Variants in TTC28 observed in about 807,000 individuals in gnomAD.
The protein encoded by TTC28 is tetratricopeptide repeat protein 28.
Under a neutral mutation model 198.0 loss-of-function variants are expected in TTC28, and 61 were observed. The ratio of observed to expected loss-of-function variants is 0.31; its 90% CI spans 0.25 to 0.38. The LOEUF (loss-of-function observed/expected upper bound fraction) is 0.38. TTC28 is among the 10% of genes least tolerant of loss of function. The pLI, the probability that TTC28 is intolerant of heterozygous loss-of-function variation, is 1.00. For missense variants in TTC28, 2,678 were observed against 3,164.0 expected (o/e 0.85, Z 3.69); for synonymous variants, 1,171 against 1,297.8 (o/e 0.90, Z 2.10).
At chr22:28,054,977 AGT>A (rs1940225644) in intron 12 of TTC28, among the ~76,000 whole-genome samples, 1 of 152,198 alleles carries the variant, frequency 6.6e-6, no homozygotes, top group Non-Finnish European at 1.5e-5. Context: ...CTTTGAGTCC[AGT>A]GTGTTTCTGG....
chr22:28,051,906 C>A (rs1163318024), intron 12 of TTC28, among the ~76,000 whole-genome samples: 1 of 152,100 alleles, frequency 6.6e-6, no homozygotes, highest in African/African-American at 2.4e-5. Flanking sequence ...GTGGGCACTT[C>A]TGATTTTGCA....
At chr22:28,545,474 G>A (rs1424474725) in intron 2 of TTC28, among the ~76,000 whole-genome samples, 1 of 152,134 alleles carries the variant, frequency 6.6e-6, no homozygotes, top group Non-Finnish European at 1.5e-5. Flanking sequence ...AGCTACCTGT[G>A]AGGCTGAGGC....
In TTC28 at chr22:28,001,672, G is replaced by C. The variant is rs1027259667; in HGVS notation, c.4219-119C>G. 13 of 1,232,890 alleles carry C rather than the reference G, an allele frequency of 1.1e-5. No individual in the cohort carries two copies. In the African/African-American group the frequency reaches 1.8e-4, roughly 17 times the overall value. The allele number at this position is 1,232,890 out of a possible 1,614,324, so 76.4% of individuals were successfully genotyped here. On this transcript the variant is annotated intron_variant, in intron 14 of 22. Coordinates refer to ENST00000397906, the MANE Select transcript of TTC28 (RefSeq NM_001145418.2). ...AAGCACGAGCAGGTGAGGCCTGTGGGGGTGTGGGGCGCCATGGGGCATGGG... is the reference window on the plus strand; with the variant it reads ...AAGCACGAGCAGGTGAGGCCTGTGGCGGTGTGGGGCGCCATGGGGCATGGG...
At chr22:28,075,905 G>T (rs1392126619) in intron 12 of TTC28, among the ~76,000 whole-genome samples, 1 of 152,242 alleles carries the variant, frequency 6.6e-6, no homozygotes, top group South Asian at 2.1e-4. Context: ...CACGTTTGTT[G>T]CATGCTCCAC....
At chr22:28,093,759 T>C (rs1941887122) in intron 12 of TTC28, among the ~76,000 whole-genome samples, 1 of 152,146 alleles carries the variant, frequency 6.6e-6, no homozygotes, top group African/African-American at 2.4e-5. Context: ...CAAAAAATAA[T>C]CTCAGTTTTA....
chr22:28,553,206 C>G (rs1280265363), intron 2 of TTC28, among the ~76,000 whole-genome samples: 1 of 151,568 alleles, frequency 6.6e-6, no homozygotes, highest in African/African-American at 2.4e-5. Context: ...GCCCGGCCGC[C>G]ACCCCGTCTG....
intron 1 of TTC28, among the ~76,000 whole-genome samples, chr22:28,676,117 T>G (rs968628822): frequency 6.6e-6 from 1 of 152,054 alleles, no homozygotes; most frequent in Non-Finnish European, 1.5e-5. Context: ...AAAACTCACG[T>G]GCCTATCAAC....
At chr22:28,090,581 G>T (rs947631259) in intron 12 of TTC28, among the ~76,000 whole-genome samples, 2 of 151,956 alleles carry the variant, frequency 1.3e-5, no homozygotes, top group Non-Finnish European at 2.9e-5. Context: ...GAGACCAAAG[G>T]GCATAAACAT....
intron 5 of TTC28, among the ~76,000 whole-genome samples, chr22:28,205,577 G>A (rs972392663): frequency 6.6e-6 from 1 of 152,112 alleles, no homozygotes; most frequent in African/African-American, 2.4e-5. Context: ...ACTGGTGAAT[G>A]ATTGACCTAT....
chr22:28,492,823 T>C (rs2048397386), intron 2 of TTC28, among the ~76,000 whole-genome samples: 1 of 152,062 alleles, frequency 6.6e-6, no homozygotes. Flanking sequence ...TGAACAAAAT[T>C]CCTCTAATGA....
Position 28,098,917 on chromosome 22 carries a change from A to C in TTC28, c.3545T>G (p.Leu1182Arg). ...GGAGTAACCCCAGCTGTTCTCACCT[A>C]GGCTGACGAGCACCCGCTGCAAGGC... The part of the protein sequence containing the change: ...YQALQRVLVS[L>R]GHHDEALAVA... The change falls in exon 10 of 23, where the codon CTA (leucine) becomes CGA (arginine). Residue 1182 changes from leucine (L) to arginine (R), a missense_variant and splice_region_variant. This residue lies in a region of TTC28 where 727 missense variants were observed against 861.9 expected (regional missense o/e 0.84). Coordinates refer to ENST00000397906, the MANE Select transcript of TTC28 (RefSeq NM_001145418.2). 6.4e-7 allele frequency: 1 copy of C among 1,551,662 alleles called. No individual in the cohort carries two copies. Among genetic ancestry groups the C allele is most frequent in the African/African-American group, 1.4e-5 (1 of 73,176 alleles).
At chr22:28,141,438 A>G (rs1943330688) in intron 6 of TTC28, among the ~76,000 whole-genome samples, 1 of 152,210 alleles carries the variant, frequency 6.6e-6, no homozygotes, top group African/African-American at 2.4e-5. Flanking sequence ...GAACAAACGA[A>G]TAAAAGACCC....
chr22:28,639,480 G>GGTTTGGCT (rs1245252450), intron 1 of TTC28, among the ~76,000 whole-genome samples: 3 of 152,166 alleles, frequency 2.0e-5, no homozygotes, highest in Admixed American at 2.0e-4. Context: ...GTACTGATAT[G>GGTTTGGCT]GTTTGGCTGT....
intron 5 of TTC28, among the ~76,000 whole-genome samples, chr22:28,199,383 T>TTATATATACATA (rs1925680552): frequency 3.4e-5 from 4 of 118,528 alleles, no homozygotes; most frequent in Non-Finnish European, 6.8e-5. Flanking sequence ...ACATTAAAAA[T>TTATATATACATA]TATATATATA....
chr22:28,293,486 G>A (rs1163493394), intron 5 of TTC28, among the ~76,000 whole-genome samples: 2 of 152,034 alleles, frequency 1.3e-5, no homozygotes, highest in African/African-American at 2.4e-5. Flanking sequence ...AGAGGAATGG[G>A]GAGATGTTGG....
At chr22:28,340,293 T>C (rs1276058552) in intron 2 of TTC28, among the ~76,000 whole-genome samples, 3 of 152,118 alleles carry the variant, frequency 2.0e-5, no homozygotes, top group African/African-American at 7.2e-5. Flanking sequence ...ATCACATTTC[T>C]ATGAAATGTG....
intron 2 of TTC28, among the ~76,000 whole-genome samples, chr22:28,359,304 A>T (rs549990331): frequency 6.6e-6 from 1 of 152,124 alleles, no homozygotes; most frequent in African/African-American, 2.4e-5. Context: ...AGAAGAAAAA[A>T]ATGGTTTGTT....
intron 2 of TTC28, among the ~76,000 whole-genome samples, chr22:28,363,237 G>A (rs186827990): frequency 6.6e-5 from 10 of 152,246 alleles, no homozygotes; most frequent in Admixed American, 2.0e-4. Flanking sequence ...TGTCCCAGCC[G>A]CTCCAGCCAT....
chr22:28,215,672 G>C (rs1927334208), intron 5 of TTC28, among the ~76,000 whole-genome samples: 1 of 152,050 alleles, frequency 6.6e-6, no homozygotes, highest in Admixed American at 6.6e-5. Flanking sequence ...GTGAATGTAG[G>C]TAAGTTGGTG....
Sources: gnomAD v4.1 joint callset for allele counts (sites outside exome capture counted in the v4.1 genomes callset) on GRCh38, gnomAD v4.1.1 for gene constraint, gnomAD v4.1.1 regional missense constraint, MANE v1.5 for transcripts, NCBI Gene and HGNC (gene_info 2026-07-23, HGNC 2026-07-21) for gene names.